SMAP1: variants seen among roughly 807,000 people sequenced by gnomAD.
SMAP1 encodes the protein small ArfGAP 1, also known as stromal membrane-associated protein 1.
Under a neutral mutation model 58.5 loss-of-function variants are expected in SMAP1, and 24 were observed. The ratio of observed to expected loss-of-function variants is 0.41; its 90% CI spans 0.30 to 0.58. The LOEUF (loss-of-function observed/expected upper bound fraction) is 0.58, where lower values mean the gene tolerates loss of function less well. Among genes scored for constraint, SMAP1 ranks in the 20% least tolerant of loss-of-function variants. SMAP1 has a pLI of 0.29. For missense variants in SMAP1, 563 were observed against 566.3 expected (o/e 0.99, Z 0.06); for synonymous variants, 216 against 196.6 (o/e 1.10, Z -0.82).
intron 6 of SMAP1, among the ~76,000 whole-genome samples, chr6:70,827,267 A>G (rs1011031939): frequency 4.6e-5 from 7 of 152,364 alleles, no homozygotes; most frequent in African/African-American, 1.7e-4. Flanking sequence ...ATTAGTTAAG[A>G]TATCAAATGA....
intron 2 of SMAP1, among the ~76,000 whole-genome samples, chr6:70,738,146 T>G (rs1472662784): frequency 6.6e-6 from 1 of 152,204 alleles, no homozygotes; most frequent in African/African-American, 2.4e-5. Context: ...AGGAGTAGTT[T>G]AGATGACTCT....
rs866667606 is a variant in SMAP1 at position 70,693,660 on chromosome 6, C to T, written c.118+25519C>T. Among the ~76,000 whole-genome samples, 94 of 152,024 alleles carry T rather than the reference C, an allele frequency of 6.2e-4. 1 individual carries two copies. Among genetic ancestry groups the T allele is most frequent in the African/African-American group, 2.1e-3 (87 of 41,388 alleles). On this transcript the variant is annotated intron_variant, in intron 1 of 10. Transcript: ENST00000370455. ...TGTAGATTGCTTTGGGTAGTGTGGA[C>T]ATTGTAACAATATTGATTCTGACAG...
chr6:70,786,323 A>G (rs1381160020), intron 4 of SMAP1, among the ~76,000 whole-genome samples: 6 of 145,976 alleles, frequency 4.1e-5, no homozygotes, highest in East Asian at 2.0e-4. Context: ...ACAGCTATCT[A>G]TGACAAACCC....
chr6:70,726,438 C>G (rs1308962397), intron 1 of SMAP1, among the ~76,000 whole-genome samples: 1 of 152,166 alleles, frequency 6.6e-6, no homozygotes, highest in African/African-American at 2.4e-5. Flanking sequence ...AACTGTAAGT[C>G]ATTGTGATAA....
At chr6:70,703,750 C>T (rs867695629) in intron 1 of SMAP1, among the ~76,000 whole-genome samples, 5 of 152,182 alleles carry the variant, frequency 3.3e-5, no homozygotes, top group African/African-American at 4.8e-5. Context: ...GGAGTTTTCT[C>T]TCTGTGCATC....
At chr6:70,669,555 A>G (rs1258155271) in intron 1 of SMAP1, among the ~76,000 whole-genome samples, 2 of 152,236 alleles carry the variant, frequency 1.3e-5, no homozygotes, top group Admixed American at 1.3e-4. Context: ...TTCTTGTAAT[A>G]CTTGTTTTCC....
At chr6:70,708,742 T>A (rs1767939832) in intron 1 of SMAP1, among the ~76,000 whole-genome samples, 1 of 152,242 alleles carries the variant, frequency 6.6e-6, no homozygotes, top group Non-Finnish European at 1.5e-5. Context: ...CTGATATATG[T>A]ATTGGCTATT....
chr6:70,758,203 C>T (rs113531181), intron 3 of SMAP1, among the ~76,000 whole-genome samples: 13 of 151,292 alleles, frequency 8.6e-5, no homozygotes, highest in East Asian at 5.8e-4. Flanking sequence ...AAAAATGATG[C>T]GTTCATGTCC....
At chr6:70,824,503 T>C (rs947619858) in intron 6 of SMAP1, among the ~76,000 whole-genome samples, 3 of 152,170 alleles carry the variant, frequency 2.0e-5, no homozygotes, top group Non-Finnish European at 4.4e-5. Flanking sequence ...AGGTATGTTT[T>C]TGTTACTTAA....
chr6:70,838,515 A>T (rs1412891889), intron 7 of SMAP1, among the ~76,000 whole-genome samples: 1 of 152,204 alleles, frequency 6.6e-6, no homozygotes. Context: ...TGTAATTTTA[A>T]ATAGGGTGGA....
intron 6 of SMAP1, among the ~76,000 whole-genome samples, chr6:70,820,126 A>C (rs1239998194): frequency 2.0e-5 from 3 of 152,196 alleles, no homozygotes; most frequent in African/African-American, 4.8e-5. Flanking sequence ...AAGGTTCTGG[A>C]GCCATATATT....
chr6:70,843,301 T>G (rs1041689067), intron 7 of SMAP1, among the ~76,000 whole-genome samples: 2 of 152,204 alleles, frequency 1.3e-5, no homozygotes, highest in African/African-American at 4.8e-5. Context: ...TTTCAGCTCT[T>G]AAGATGAACC....
intron 3 of SMAP1, among the ~76,000 whole-genome samples, chr6:70,757,043 A>T (rs1766522009): frequency 6.6e-6 from 1 of 152,220 alleles, no homozygotes; most frequent in Admixed American, 6.5e-5. Context: ...GGAACCAAAA[A>T]AGAGCCGGCA....
At chr6:70,808,114 AG>A (rs1246363978) in intron 6 of SMAP1, among the ~76,000 whole-genome samples, 3 of 152,224 alleles carry the variant, frequency 2.0e-5, no homozygotes, top group Admixed American at 6.5e-5. Flanking sequence ...GACTTGACTG[AG>A]GGGGAAGAAG....
At chr6:70,785,813 G>A (rs1271940851) in intron 4 of SMAP1, among the ~76,000 whole-genome samples, 3 of 152,178 alleles carry the variant, frequency 2.0e-5, no homozygotes, top group Non-Finnish European at 4.4e-5. Context: ...ATAATCAATA[G>A]TTTACCAACC....
At chr6:70,692,454 A>G (rs942660496) in intron 1 of SMAP1, among the ~76,000 whole-genome samples, 6 of 151,946 alleles carry the variant, frequency 3.9e-5, no homozygotes, top group Non-Finnish European at 1.5e-5. Flanking sequence ...CCATTTGTCC[A>G]TTTTTGCTTT....
At chr6:70,832,437 A>T (rs1582275626) in intron 6 of SMAP1, among the ~76,000 whole-genome samples, 1 of 152,196 alleles carries the variant, frequency 6.6e-6, no homozygotes, top group Non-Finnish European at 1.5e-5. Context: ...AAAAACATTG[A>T]ATCTATGTGT....
chr6:70,671,659 C>A (rs1008464927), intron 1 of SMAP1, among the ~76,000 whole-genome samples: 1 of 152,192 alleles, frequency 6.6e-6, no homozygotes, highest in African/African-American at 2.4e-5. Context: ...TCTCCCCAGC[C>A]CTTGGCAGAC....
chr6:70,852,946 C>T (rs1342399876), intron 8 of SMAP1, among the ~76,000 whole-genome samples: 5 of 152,094 alleles, frequency 3.3e-5, no homozygotes, highest in Non-Finnish European at 5.9e-5. Flanking sequence ...CCCACAAAAC[C>T]TAAAATATTC....
Sources: gnomAD v4.1 joint callset for allele counts (sites outside exome capture counted in the v4.1 genomes callset) on GRCh38, gnomAD v4.1.1 for gene constraint, MANE v1.5 for transcripts, NCBI Gene and HGNC (gene_info 2026-07-23, HGNC 2026-07-21) for gene names.